MASTL: variants seen among roughly 807,000 people sequenced by gnomAD.
MASTL encodes microtubule associated serine/threonine kinase like.
Under a neutral mutation model 82.5 loss-of-function variants are expected in MASTL, and 54 were observed. The observed-to-expected ratio is 0.65, with a 90% confidence interval of 0.53 to 0.82. The LOEUF is 0.82. Ranked by LOEUF, MASTL falls within the 40% of genes least tolerant of loss-of-function variation. The pLI is 0.00. For synonymous variants in MASTL, 323 were observed against 368.9 expected (o/e 0.88, Z 1.43); for missense variants, 950 against 1,047.8 (o/e 0.91, Z 1.29).
At chr10:27,186,271 AAG>A in intron 11 of MASTL, 106 bp from the exon 12 acceptor site, 1 of 1,133,684 alleles carries the variant, frequency 8.8e-7, no homozygotes, top group South Asian at 1.3e-5. Flanking sequence ...TGACATAATA[AAG>A]TAAGGTAAGT....
intron 4 of MASTL, among the ~76,000 whole-genome samples, chr10:27,164,438 T>A (rs1314640505): frequency 1.3e-5 from 2 of 152,204 alleles, no homozygotes; most frequent in Non-Finnish European, 2.9e-5. Flanking sequence ...CATGCCTGGA[T>A]AAGAACATTA....
At position 27,187,190 on chromosome 10, in the gene MASTL, C is replaced by G. The variant is rs549433343; in HGVS notation, c.*654C>G. On this transcript the variant is annotated 3_prime_UTR_variant, in exon 12 of 12. Coordinates refer to ENST00000375940, the MANE Select transcript of MASTL (RefSeq NM_001172303.3). The stretch of plus-strand genomic sequence containing the variant: ...TGGTGGGCGCCTGTAGTCCCAGCTA[C>G]TCTGGAGGCTGAGGCAGGAGAATCG... Among the ~76,000 whole-genome samples the G allele has an allele frequency of 6.6e-6, 1 of 152,164 alleles. No homozygotes were observed. Among genetic ancestry groups the G allele is most frequent in the African/African-American group, 2.4e-5 (1 of 41,436 alleles).
intron 7 of MASTL, among the ~76,000 whole-genome samples, chr10:27,167,990 T>C (rs2057793886): frequency 6.6e-6 from 1 of 152,216 alleles, no homozygotes; most frequent in South Asian, 2.1e-4. Context: ...ATACTAAAGG[T>C]GGTAGGAACT....
intron 9 of MASTL, among the ~76,000 whole-genome samples, chr10:27,176,367 G>A (rs7910168): frequency 0.84 from 128,414 of 152,096 alleles, 54,487 homozygotes; most frequent in East Asian, 0.99. Context: ...CATTGCCACC[G>A]GATTTTTCTT....
chr10:27,175,328 A>G (rs2136115551), intron 9 of MASTL, among the ~76,000 whole-genome samples: 1 of 152,098 alleles, frequency 6.6e-6, no homozygotes, highest in South Asian at 2.1e-4. Flanking sequence ...GATTACAGGC[A>G]TGCGCCACCA....
chr10:27,175,810 T>C (rs1004085942), intron 9 of MASTL, among the ~76,000 whole-genome samples: 1 of 151,948 alleles, frequency 6.6e-6, no homozygotes, highest in African/African-American at 2.4e-5. Flanking sequence ...AAACTGGACT[T>C]GTGGGGCCTG....
rs1476136950 is a variant in MASTL, at chr10:27,181,073, C to CT, written c.2380+12dup. On this transcript the variant is annotated splice_region_variant and intron_variant, in intron 10 of 11. Transcript: ENST00000375940. Reference sequence around the variant, plus strand: ...CAGAATATTCTGAAAAGAGGTGATTCTTTTTCTCCTATTAAGATAGTCATT... The same window carrying CT: ...CAGAATATTCTGAAAAGAGGTGATTCTTTTTTCTCCTATTAAGATAGTCATT... 2.0e-6 allele frequency: 3 copies of CT among 1,538,044 alleles called. No individual in the cohort carries two copies. The highest frequency in any genetic ancestry group is 2.7e-6 in the Non-Finnish European group (3 of 1,110,846).
In MASTL at chr10:27,159,516, A is replaced by T; in HGVS notation, c.325-103A>T. On this transcript the variant is annotated intron_variant, in intron 2 of 11. Transcript: ENST00000375940. The surrounding 1 kb of genome is among the most constrained non-coding windows in gnomAD (Gnocchi z 4.0). ...AGTAATAGCAAGAAAAGGTCGTTTC[A>T]TTACAGAGCCATGCCAAATATTGTA... 1.3e-6 allele frequency: 1 copy of T among 783,738 alleles called. No individual in the cohort carries two copies. 48.5% of individuals were successfully genotyped at this position (783,738 alleles called of 1,614,324 possible).
At chr10:27,168,111 T>A (rs1026420585) in intron 7 of MASTL, among the ~76,000 whole-genome samples, 1 of 152,238 alleles carries the variant, frequency 6.6e-6, no homozygotes, top group African/African-American at 2.4e-5. Context: ...AAAATAATTT[T>A]GATTCTATTT....
chr10:27,155,537 A>G lies in MASTL; in HGVS notation c.111A>G (p.Ile37Met), dbSNP rs1274387391. The change falls in exon 1 of 12, where the codon ATA becomes ATG. Residue 37 changes from isoleucine (I) to methionine (M), a missense_variant. Transcript: ENST00000375940. ...PKPPSIEEFS[I>M]VKPISRGAFG... ...CGCCCTCCATTGAGGAATTCAGCAT[A>G]GTGAAGCCCATTAGCCGGGGCGCCT... is the stretch of plus-strand genomic sequence containing the variant. 3 of 1,614,164 alleles carry G rather than the reference A, an allele frequency of 1.9e-6. No homozygotes were observed. Among genetic ancestry groups the G allele is most frequent in the South Asian group, 1.1e-5 (1 of 91,078 alleles).
Position 27,165,376 on chromosome 10 carries a change from C to T in MASTL, c.661-13C>T, listed in dbSNP as rs762342259. 6.2e-7 allele frequency: 1 copy of T among 1,611,338 alleles called. No individual in the cohort carries two copies. The highest frequency in any genetic ancestry group is 8.5e-7 in the Non-Finnish European group (1 of 1,178,712). On this transcript the variant is annotated splice_polypyrimidine_tract_variant and intron_variant, in intron 5 of 11. Transcript: ENST00000375940. The stretch of plus-strand genomic sequence containing the variant: ...AGGTAAACCTGTTGTTTTTATTTTT[C>T]TCTTTTTAATAGAACACACCAATTG...
Position 27,170,536 on chromosome 10 carries a change from C to T in MASTL, c.1577C>T (p.Pro526Leu), listed in dbSNP as rs757284164. The change falls in exon 8 of 12, where the codon CCA becomes CTA. Residue 526 changes from proline (P) to leucine (L), a missense_variant. Pro to Leu is a moderately conservative substitution (Grantham distance 98, BLOSUM62 -3). Transcript: ENST00000375940. Reference protein sequence around the residue: ...KQQTPEKLPIPMIAKNLMCEL... With the variant: ...KQQTPEKLPILMIAKNLMCEL... ...CAAACACCAGAAAAATTACCTATAC[C>T]AATGATAGCAAAAAACCTTATGTGT... 6.2e-7 allele frequency: 1 copy of T among 1,613,848 alleles called. No homozygotes were observed. Among genetic ancestry groups the T allele is most frequent in the South Asian group, 1.1e-5 (1 of 91,036 alleles).
chr10:27,186,312 AATTC>A (rs2058745431), intron 11 of MASTL, 63 bp from the exon 12 acceptor site: 5 of 1,426,108 alleles, frequency 3.5e-6, no homozygotes, highest in Non-Finnish European at 5.0e-6. Context: ...TTTTTATAAT[AATTC>A]CTGTAAAGCA....
intron 11 of MASTL, among the ~76,000 whole-genome samples, chr10:27,185,247 G>A (rs1200466683): frequency 6.6e-6 from 1 of 152,168 alleles, no homozygotes; most frequent in Non-Finnish European, 1.5e-5. Flanking sequence ...CAAAACTGGA[G>A]CATTCATCAT....
intron 4 of MASTL, among the ~76,000 whole-genome samples, chr10:27,161,795 A>C (rs2057581950): frequency 6.6e-6 from 1 of 152,144 alleles, no homozygotes; most frequent in Non-Finnish European, 1.5e-5. Context: ...CTTTTATCCC[A>C]AGTGAAATTG....
intron 4 of MASTL, among the ~76,000 whole-genome samples, chr10:27,164,683 GT>G (rs2057683049): frequency 6.6e-6 from 1 of 151,636 alleles, no homozygotes; most frequent in African/African-American, 2.4e-5. Context: ...TGTCGCCCTG[GT>G]CGGAGTGCAG....
At chr10:27,160,768 G>GA (rs1165713191) in intron 3 of MASTL, among the ~76,000 whole-genome samples, 1 of 102,018 alleles carries the variant, frequency 9.8e-6, no homozygotes, top group Admixed American at 9.7e-5. Context: ...AAAAAGAAAA[G>GA]AAAAAAAAGA....
At chr10:27,172,319 A>G (rs1000340718) in intron 8 of MASTL, among the ~76,000 whole-genome samples, 2 of 151,998 alleles carry the variant, frequency 1.3e-5, no homozygotes, top group African/African-American at 4.8e-5. Context: ...CAGACCTGCA[A>G]TTTTTCTAAA....
chr10:27,157,018 G>T (rs577432562), intron 1 of MASTL, among the ~76,000 whole-genome samples: 3 of 151,342 alleles, frequency 2.0e-5, no homozygotes, highest in Admixed American at 2.0e-4. Flanking sequence ...GGGCAGGCTG[G>T]TCTCAAACTC....
Sources: gnomAD v4.1 joint callset for allele counts (sites outside exome capture counted in the v4.1 genomes callset) on GRCh38, gnomAD v4.1.1 for gene constraint, Gnocchi (gnomAD v3.1) non-coding constraint, MANE v1.5 for transcripts, NCBI Gene and HGNC (gene_info 2026-07-23, HGNC 2026-07-21) for gene names.